The following NSUN6 variants were observed in gnomAD, a reference collection of about 807,000 sequenced individuals.
The protein encoded by NSUN6 is NOP2/Sun RNA methyltransferase 6, also known as tRNA (cytosine(72)-C(5))-methyltransferase NSUN6.
In NSUN6, 64 loss-of-function variants were observed where a neutral mutation model predicts 58.0. That is an observed-to-expected ratio of 1.10 (90% CI 0.90 to 1.36). The LOEUF is 1.36. NSUN6 is among the 40% of genes most tolerant of loss of function. The probability of loss-of-function intolerance (pLI) is 0.00; values close to 1 mark genes in which losing one functional copy is unlikely to be tolerated. For synonymous variants in NSUN6, 231 were observed against 193.9 expected (o/e 1.19, Z -1.59); for missense variants, 701 against 550.1 (o/e 1.27, Z -2.74).
chr10:18,622,248 AC>A (rs1590100221), intron 3 of NSUN6, among the ~76,000 whole-genome samples: 1 of 152,266 alleles, frequency 6.6e-6, no homozygotes, highest in South Asian at 2.1e-4. Flanking sequence ...CCAAAGAGCT[AC>A]CCACTTGCTT....
In NSUN6 at chr10:18,616,173, A is replaced by G. The variant is rs769196156; in HGVS notation, c.421+11T>C. 19 of 1,385,712 alleles carry G rather than the reference A, an allele frequency of 1.4e-5. No individual in the cohort carries two copies. Among genetic ancestry groups the G allele is most frequent in the Non-Finnish European group, 1.9e-5 (19 of 975,934 alleles). The allele number at this position is 1,385,712 out of a possible 1,614,324, so 85.8% of individuals were successfully genotyped here. A position where few individuals can be genotyped will look rare whatever the true frequency, so the allele number is the denominator to read the frequency against. On this transcript the variant is annotated intron_variant, in intron 4 of 10. Transcript: ENST00000377304. Reference sequence around the variant, plus strand: ...GAGAACCTTAAAGACAAATCTAAACATTATACTTACATTGTGATGCTGACA... The same window carrying G: ...GAGAACCTTAAAGACAAATCTAAACGTTATACTTACATTGTGATGCTGACA...
At chr10:18,619,665 T>C (rs1204778167) in intron 3 of NSUN6, among the ~76,000 whole-genome samples, 1 of 152,232 alleles carries the variant, frequency 6.6e-6, no homozygotes, top group Non-Finnish European at 1.5e-5. Flanking sequence ...AGCAAAAACA[T>C]CTTCATGTTA....
chr10:18,632,020 G>A (rs1195938230), intron 3 of NSUN6, among the ~76,000 whole-genome samples: 1 of 151,506 alleles, frequency 6.6e-6, no homozygotes, highest in Non-Finnish European at 1.5e-5. Flanking sequence ...CAAGGCTACA[G>A]TAACCAAAAC....
At chr10:18,555,579 T>G (rs972185039) in intron 8 of NSUN6, among the ~76,000 whole-genome samples, 4 of 145,774 alleles carry the variant, frequency 2.7e-5, no homozygotes, top group Admixed American at 6.9e-5. Flanking sequence ...GAATGGAGAA[T>G]GGAATGAAAT....
chr10:18,618,557 C>T (rs974661838), intron 3 of NSUN6, among the ~76,000 whole-genome samples: 2 of 151,844 alleles, frequency 1.3e-5, no homozygotes, highest in Non-Finnish European at 2.9e-5. Flanking sequence ...TGGCGCATGC[C>T]TGTAATCCCA....
intron 8 of NSUN6, among the ~76,000 whole-genome samples, chr10:18,554,718 C>A (rs2054856515): frequency 6.9e-6 from 1 of 143,916 alleles, no homozygotes; most frequent in African/African-American, 2.6e-5. Context: ...AGAGAGAATG[C>A]AGTGGAGTGG....
upstream of NSUN6, chr10:18,652,273 G>C: frequency 4.1e-6 from 4 of 984,294 alleles, no homozygotes; most frequent in Non-Finnish European, 4.8e-6. Context: ...CAAAGAACGA[G>C]GATATCTAAC....
rs536737122 is a variant in NSUN6 at position 18,573,105 on chromosome 10, G to A, written c.922+12844C>T. On this transcript the variant is annotated intron_variant, in intron 8 of 10. Coordinates refer to ENST00000377304, the MANE Select transcript of NSUN6 (RefSeq NM_182543.5). ...TCCACTCCATTCCATTCCATCCTCC[G>A]TTACACTCCATTCCATTCCATCGTC... Among the ~76,000 whole-genome samples the A allele has an allele frequency of 2.6e-4, 33 of 128,204 alleles. No individual in the cohort carries two copies. In the East Asian group the frequency reaches 6.0e-3, roughly 23 times the overall value. The allele number at this position is 128,204 out of a possible 152,430, so 84.1% of individuals were successfully genotyped here.
chr10:18,562,105 G>C (rs1289084817), intron 8 of NSUN6, among the ~76,000 whole-genome samples: 1 of 150,302 alleles, frequency 6.7e-6, no homozygotes, highest in Admixed American at 6.6e-5. Flanking sequence ...GAATGGAACG[G>C]AAAGTGGAGC....
intron 8 of NSUN6, among the ~76,000 whole-genome samples, chr10:18,574,576 A>G (rs2056556480): frequency 6.6e-6 from 1 of 152,166 alleles, no homozygotes; most frequent in African/African-American, 2.4e-5. Context: ...ATGGGCATTC[A>G]GTGATTGATA....
intron 8 of NSUN6, among the ~76,000 whole-genome samples, chr10:18,572,928 C>G (rs2130994875): frequency 6.6e-6 from 1 of 151,684 alleles, no homozygotes; most frequent in East Asian, 2.0e-4. Flanking sequence ...ATCCTCCATT[C>G]CATTCCATTC....
intron 8 of NSUN6, among the ~76,000 whole-genome samples, chr10:18,566,153 CATTCCATTCCATTCTCCATTCCATTCT>C (rs1178437538): frequency 7.4e-6 from 1 of 135,456 alleles, no homozygotes; most frequent in Non-Finnish European, 1.7e-5. Context: ...TTCCATTCTC[CATTCCATTCCATTCTCCATTCCATTCT>C]ATTCCATTCT....
chr10:18,581,467 G>T (rs2056900878), intron 8 of NSUN6, among the ~76,000 whole-genome samples: 1 of 152,048 alleles, frequency 6.6e-6, no homozygotes, highest in Non-Finnish European at 1.5e-5. Flanking sequence ...AACCTATAAG[G>T]TCTAAAAATG....
intron 3 of NSUN6, among the ~76,000 whole-genome samples, chr10:18,633,730 C>A (rs4468242): frequency 0.21 from 32,261 of 152,076 alleles, 3,753 homozygotes; most frequent in South Asian, 0.31. Flanking sequence ...AATGGCATAA[C>A]CAGACAATCT....
chr10:18,613,301 TG>T (rs756649576), intron 5 of NSUN6, among the ~76,000 whole-genome samples: 1 of 152,094 alleles, frequency 6.6e-6, no homozygotes, highest in Non-Finnish European at 1.5e-5. Flanking sequence ...TTCACCGTGT[TG>T]GCCAGGCTGG....
intron 3 of NSUN6, among the ~76,000 whole-genome samples, chr10:18,622,081 GA>G (rs2058628711): frequency 6.6e-6 from 1 of 151,454 alleles, no homozygotes; most frequent in Non-Finnish European, 1.5e-5. Flanking sequence ...CACAAAAATT[GA>G]AATCTTAAAG....
chr10:18,592,914 T>A (rs1269433978), intron 7 of NSUN6, among the ~76,000 whole-genome samples: 1 of 151,842 alleles, frequency 6.6e-6, no homozygotes, highest in Non-Finnish European at 1.5e-5. Flanking sequence ...ATCATTGGAG[T>A]GAACAGGCAA....
In NSUN6 at chr10:18,636,250, A is replaced by G. The variant is rs566542465; in HGVS notation, c.311+6226T>C. On this transcript the variant is annotated intron_variant, in intron 3 of 10. Coordinates refer to ENST00000377304, the MANE Select transcript of NSUN6 (RefSeq NM_182543.5). ...GACTGTACTCACCAACAAAGACATT[A>G]ATAAAGATAAGAAATGAGAAATAAA... is the stretch of plus-strand genomic sequence containing the variant. 1.6e-4 allele frequency among the ~76,000 whole-genome samples: 25 copies of G among 152,140 alleles called. No individual in the cohort carries two copies. In the South Asian group the frequency reaches 3.7e-3, roughly 23 times the overall value.
chr10:18,623,730 C>G (rs1214848213), intron 3 of NSUN6, among the ~76,000 whole-genome samples: 2 of 152,184 alleles, frequency 1.3e-5, no homozygotes, highest in African/African-American at 4.8e-5. Context: ...TAGCAACCAA[C>G]TTTGCTGCTC....
Sources: gnomAD v4.1 joint callset for allele counts (sites outside exome capture counted in the v4.1 genomes callset) on GRCh38, gnomAD v4.1.1 for gene constraint, MANE v1.5 for transcripts, NCBI Gene and HGNC (gene_info 2026-07-23, HGNC 2026-07-21) for gene names.